ATRX: variants seen among roughly 807,000 people sequenced by gnomAD.
ATRX encodes chromatin remodeler ATRX.
A neutral mutation model predicts 172.6 loss-of-function variants in ATRX; 12 were observed. The ratio of observed to expected loss-of-function variants is 0.07; its 90% CI spans 0.04 to 0.11. ATRX has a LOEUF of 0.11. Ranked by LOEUF, ATRX falls within the 10% of genes least tolerant of loss-of-function variation. The probability of loss-of-function intolerance (pLI) is 1.00; values close to 1 mark genes in which losing one functional copy is unlikely to be tolerated. For synonymous variants in ATRX, 674 were observed against 594.7 expected, an observed-to-expected ratio of 1.13 and a Z score of -1.94; for missense variants, 1,368 against 1,767.4, an observed-to-expected ratio of 0.77 and a Z score of 4.05.
At chrX:77,600,126 T>C (rs2066619935) in intron 23 of ATRX, among the ~76,000 whole-genome samples, 1 of 112,110 alleles carries the variant, frequency 8.9e-6, no homozygotes, top group South Asian at 3.6e-4. Flanking sequence ...AACTTTACTA[T>C]ACTAATGCAA....
intron 1 of ATRX, 76 bp from the exon 2 acceptor site, chrX:77,717,319 T>C: frequency 2.5e-6 from 2 of 805,938 alleles, no homozygotes; most frequent in Admixed American, 4.5e-5. Flanking sequence ...TCTAGCAAAC[T>C]GAAAATATAG....
intron 34 of ATRX, among the ~76,000 whole-genome samples, chrX:77,511,286 A>G (rs1557036420): frequency 8.9e-6 from 1 of 111,998 alleles, no homozygotes; most frequent in East Asian, 2.8e-4. Flanking sequence ...AGTGACCATT[A>G]GATCACAATA....
chrX:77,623,700 C>T, intron 19 of ATRX, among the ~76,000 whole-genome samples: 1 of 111,759 alleles, frequency 8.9e-6, no homozygotes, highest in Middle Eastern at 4.6e-3. Context: ...AAAGATAATC[C>T]ACCATGATCA....
chrX:77,607,074 C>T (rs2066939391), intron 22 of ATRX, among the ~76,000 whole-genome samples: 1 of 111,574 alleles, frequency 9.0e-6, no homozygotes, highest in Non-Finnish European at 1.9e-5. Context: ...AGATCTTGAA[C>T]ACAACAAGGA....
intron 1 of ATRX, among the ~76,000 whole-genome samples, chrX:77,784,378 AAATT>A (rs375810180): frequency 9.0e-4 from 101 of 112,691 alleles, no homozygotes; most frequent in South Asian, 1.8e-3. Flanking sequence ...CCCTTGTGTA[AAATT>A]AATTATTCTA....
intron 10 of ATRX, among the ~76,000 whole-genome samples, chrX:77,668,855 T>C (rs1356411115): frequency 1.2e-4 from 12 of 96,583 alleles, no homozygotes; most frequent in East Asian, 6.7e-4. Flanking sequence ...AAAAAAAACA[T>C]AGGAGAAAGC....
At chrX:77,549,449 A>T (rs1488703833) in intron 30 of ATRX, among the ~76,000 whole-genome samples, 1 of 112,153 alleles carries the variant, frequency 8.9e-6, no homozygotes, top group African/African-American at 3.2e-5. Context: ...TAATAAGTTT[A>T]TTACCAGAAA....
At chrX:77,685,875 T>C (rs782187138) in intron 7 of ATRX, among the ~76,000 whole-genome samples, 1 of 111,909 alleles carries the variant, frequency 8.9e-6, no homozygotes, top group South Asian at 3.7e-4. Flanking sequence ...AAGAATGAGA[T>C]CCTGTCATTT....
chrX:77,669,556 T>C (rs2070442758), intron 10 of ATRX, among the ~76,000 whole-genome samples: 1 of 111,672 alleles, frequency 9.0e-6, no homozygotes, highest in Admixed American at 9.5e-5. Context: ...ACTCCTGACC[T>C]CAGGTGATCC....
intron 1 of ATRX, among the ~76,000 whole-genome samples, chrX:77,732,420 C>T (rs1275357599): frequency 8.9e-6 from 1 of 112,082 alleles, no homozygotes; most frequent in Non-Finnish European, 1.9e-5. Context: ...GGAAGCAATA[C>T]TTCCAAACAC....
rs782395967 is a variant in ATRX, at chrX:77,683,727, G to C, written c.1529C>G (p.Ser510Cys). ...CACAATATCCATGTCTAAATCTTCA[G>C]AAGTGTTGGCAGGTTCATATTGAGG... ...EEPQYEPANTSEDLDMDIVSV... is the reference protein window; with the variant it reads ...EEPQYEPANTCEDLDMDIVSV... Residue 510 changes from serine (S) to cysteine (C), a missense_variant, in exon 9 of 35, where the codon TCT becomes TGT. Physicochemically the swap from Ser to Cys is moderately radical, Grantham distance 112 (BLOSUM62 -1). This residue lies in a region of ATRX where 843 missense variants were observed against 643.1 expected (regional missense o/e 1.31). Coordinates refer to ENST00000373344, the MANE Select transcript of ATRX (RefSeq NM_000489.6). 5.0e-6 allele frequency: 6 copies of C among 1,211,125 alleles called. No homozygotes were observed. Among genetic ancestry groups the C allele is most frequent in the Non-Finnish European group, 4.5e-6 (4 of 895,191 alleles).
chrX:77,739,722 A>G (rs781842776), intron 1 of ATRX, among the ~76,000 whole-genome samples: 6 of 110,503 alleles, frequency 5.4e-5, no homozygotes, highest in East Asian at 5.7e-4. Context: ...ACAGACACCT[A>G]TGACAGTTTA....
chrX:77,765,010 T>C lies in ATRX; in HGVS notation c.20+20972A>G, dbSNP rs189449525. On this transcript the variant is annotated intron_variant, in intron 1 of 34. Transcript: ENST00000373344. ...CGCCGACATGGTGAAACCCTGCCTC[T>C]ACAAAAATTAGTCAGGTGTGGTGGT... is the stretch of plus-strand genomic sequence containing the variant. 9.9e-5 allele frequency among the ~76,000 whole-genome samples: 11 copies of C among 110,894 alleles called. No homozygotes were observed. The East Asian group carries it at 3.1e-3, about 32-fold the overall frequency.
At chrX:77,579,389 G>A (rs1366315364) in intron 27 of ATRX, among the ~76,000 whole-genome samples, 2 of 111,898 alleles carry the variant, frequency 1.8e-5, no homozygotes, top group Non-Finnish European at 3.8e-5. Context: ...ACCCGCAGTG[G>A]TAGTCACAGG....
intron 1 of ATRX, among the ~76,000 whole-genome samples, chrX:77,769,181 C>A (rs1388804621): frequency 1.8e-5 from 2 of 111,706 alleles, no homozygotes; most frequent in Admixed American, 9.6e-5. Context: ...CATAGTGAGA[C>A]CCCATCTCAA....
At chrX:77,677,148 G>A (rs994892194) in intron 9 of ATRX, among the ~76,000 whole-genome samples, 1 of 110,317 alleles carries the variant, frequency 9.1e-6, no homozygotes, top group Admixed American at 9.7e-5. Context: ...GTTAAGATTT[G>A]GGCATTTCAT....
In ATRX at chrX:77,697,624, A is replaced by C. The variant is rs1353371580; in HGVS notation, c.201T>G (p.Ser67=). Residue 67 remains serine (S), a synonymous_variant, in exon 4 of 35, where the codon TCT becomes TCG. Coordinates refer to ENST00000373344, the MANE Select transcript of ATRX (RefSeq NM_000489.6). ...ATCCTGAAGACTTGGATTTTTCTGA[A>C]GAGCTAGTTCCCTAGATGTGAGACA... The part of the protein sequence containing the change: ...MENSKEEGTS[S]SEKSKSSGSS... The C allele has an allele frequency of 2.5e-6, 3 of 1,208,073 alleles. No homozygotes were observed. The African/African-American group carries it at 5.2e-5, about 21-fold the overall frequency.
chrX:77,558,482 T>C (rs1404150392), intron 29 of ATRX, among the ~76,000 whole-genome samples, 187 bp downstream of exon 29: 1 of 111,537 alleles, frequency 9.0e-6, no homozygotes, highest in Non-Finnish European at 1.9e-5. Flanking sequence ...AAAGATGACA[T>C]CACAGAAATG....
intron 15 of ATRX, among the ~76,000 whole-genome samples, chrX:77,644,663 G>A: frequency 1.9e-5 from 2 of 107,635 alleles, no homozygotes; most frequent in Middle Eastern, 4.7e-3. Flanking sequence ...GCAGGCAGAA[G>A]AATCAGTGAA....
Sources: gnomAD v4.1 joint callset for allele counts (sites outside exome capture counted in the v4.1 genomes callset) on GRCh38, gnomAD v4.1.1 for gene constraint, gnomAD v4.1.1 regional missense constraint, MANE v1.5 for transcripts, NCBI Gene and HGNC (gene_info 2026-07-23, HGNC 2026-07-21) for gene names.